Variants in GLB1 observed in about 807,000 individuals in gnomAD.
The protein encoded by GLB1 is galactosidase beta 1, also known as beta-galactosidase.
A neutral mutation model predicts 74.0 loss-of-function variants in GLB1; 56 were observed. The ratio of observed to expected loss-of-function variants is 0.76; its 90% confidence interval spans 0.61 to 0.94. The LOEUF is 0.94. GLB1 is among the 40% of genes least tolerant of loss of function. The probability of loss-of-function intolerance (pLI) is 0.00; values close to 1 mark genes in which losing one functional copy is unlikely to be tolerated. For synonymous variants in GLB1, 323 were observed against 323.6 expected (o/e 1.00, Z 0.02); for missense variants, 787 against 845.5 (o/e 0.93, Z 0.86).
chr3:33,055,731 T>G (rs995731597), intron 6 of GLB1, among the ~76,000 whole-genome samples: 11 of 150,992 alleles, frequency 7.3e-5, no homozygotes, highest in African/African-American at 2.7e-4. Context: ...CCTCCCAAAC[T>G]GCTGGGATTA....
the GLB1 span, among the ~76,000 whole-genome samples, chr3:32,963,708 A>AT: frequency 6.6e-6 from 1 of 152,248 alleles, no homozygotes; most frequent in Non-Finnish European, 1.5e-5. Context: ...ACAAATGTCC[A>AT]TAATATCTTA....
chr3:32,962,682 T>C, the GLB1 span, among the ~76,000 whole-genome samples: 1 of 151,852 alleles, frequency 6.6e-6, no homozygotes, highest in Non-Finnish European at 1.5e-5. Flanking sequence ...TCAGGAGATG[T>C]GGGATAACAG....
At position 33,089,567 on chromosome 3, in the gene GLB1, C is replaced by A. The variant is rs1299627707; in HGVS notation, c.75+7444G>T. ...GTGGCATGAAAATACAAGAGTATTACTGTAGTCCAGCCTTAAAAAGGACAG... is the reference window on the plus strand; with the variant it reads ...GTGGCATGAAAATACAAGAGTATTAATGTAGTCCAGCCTTAAAAAGGACAG... On this transcript the variant is annotated intron_variant, in intron 1 of 15. Transcript: ENST00000307363. Among the ~76,000 whole-genome samples the A allele has an allele frequency of 2.0e-5, 3 of 152,132 alleles. No individual in the cohort carries two copies. In the South Asian group the frequency reaches 6.2e-4, roughly 31 times the overall value.
At chr3:33,077,058 T>C in intron 1 of GLB1, 3 of 1,313,702 alleles carry the variant, frequency 2.3e-6, no homozygotes, top group Non-Finnish European at 3.0e-6. Context: ...ACCCTGTCTC[T>C]ATAAAAAAAA....
chr3:33,016,886 G>T (rs1697257218), intron 13 of GLB1, 46 bp from the exon 14 acceptor site: 16 of 1,608,598 alleles, frequency 9.9e-6, no homozygotes, highest in Non-Finnish European at 1.4e-5. Flanking sequence ...GGGTAAGAAG[G>T]TCAGCAAGGA....
intron 9 of GLB1, among the ~76,000 whole-genome samples, chr3:33,049,239 G>A (rs1157300815): frequency 1.3e-5 from 2 of 152,098 alleles, no homozygotes; most frequent in African/African-American, 4.8e-5. Context: ...TTTCTCATAA[G>A]ATGAACACAG....
chr3:33,088,392 C>CAA, intron 1 of GLB1, among the ~76,000 whole-genome samples: 1 of 151,740 alleles, frequency 6.6e-6, no homozygotes, highest in South Asian at 2.1e-4. Flanking sequence ...CACACACACA[C>CAA]ACACACACAC....
At chr3:32,976,368 C>G in the GLB1 span, among the ~76,000 whole-genome samples, 1 of 152,222 alleles carries the variant, frequency 6.6e-6, no homozygotes, top group Non-Finnish European at 1.5e-5. Context: ...TCTTTCCCCT[C>G]CATGGCTGGT....
rs930897628 is a variant in GLB1 at position 32,996,687 on chromosome 3, C to T, written c.*358G>A. The T allele has an allele frequency of 2.2e-5, 7 of 325,016 alleles. No homozygotes were observed. The highest frequency in any genetic ancestry group is 4.2e-5 in the Non-Finnish European group (7 of 168,570). The allele number at this position is 325,016 out of a possible 1,614,324, so 20.1% of individuals were successfully genotyped here. A position where few individuals can be genotyped will look rare whatever the true frequency, so the allele number is the denominator to read the frequency against. ...AAGTCTAGTTATGATTTAAGTCAGA[C>T]CATATAATTCAATACCTGCACATTA... is the stretch of plus-strand genomic sequence containing the variant. On this transcript the variant is annotated 3_prime_UTR_variant, in exon 16 of 16. Coordinates refer to ENST00000307363, the MANE Select transcript of GLB1 (RefSeq NM_000404.4).
chr3:33,090,105 G>T (rs149607769), intron 1 of GLB1, among the ~76,000 whole-genome samples: 1 of 152,288 alleles, frequency 6.6e-6, no homozygotes, highest in East Asian at 1.9e-4. Context: ...CTGGCTACTA[G>T]CCCCAAATCT....
intron 10 of GLB1, 104 bp downstream of exon 10, chr3:33,046,016 T>G (rs1698725095): frequency 2.1e-6 from 3 of 1,421,856 alleles, no homozygotes; most frequent in Non-Finnish European, 2.9e-6. Context: ...ATCCATCCTT[T>G]TAAACAGGAG....
chr3:33,037,105 G>T (rs554926607), intron 10 of GLB1, among the ~76,000 whole-genome samples: 3 of 151,006 alleles, frequency 2.0e-5, no homozygotes, highest in Non-Finnish European at 4.4e-5. Context: ...GAGTGCAGTG[G>T]TGTGATCTCA....
intron 15 of GLB1, among the ~76,000 whole-genome samples, chr3:33,004,122 T>C (rs1257990564): frequency 6.6e-6 from 1 of 152,182 alleles, no homozygotes; most frequent in Non-Finnish European, 1.5e-5. Flanking sequence ...AGAAGTGACA[T>C]GTGAATCCTG....
At chr3:33,030,890 C>T (rs1032079175) in intron 10 of GLB1, 69 of 896,414 alleles carry the variant, frequency 7.7e-5, no homozygotes, top group Non-Finnish European at 8.9e-5. Context: ...TCACCACTGC[C>T]CCTCTCAGGA....
intron 5 of GLB1, among the ~76,000 whole-genome samples, chr3:33,063,538 A>C (rs1045833209): frequency 1.3e-5 from 2 of 152,178 alleles, no homozygotes; most frequent in African/African-American, 4.8e-5. Flanking sequence ...CCACACAGTC[A>C]ACTTCATTCT....
intron 1 of GLB1, chr3:33,092,047 C>T: frequency 1.0e-6 from 1 of 985,250 alleles, no homozygotes; most frequent in Non-Finnish European, 1.2e-6. Context: ...GCAGCCTGTC[C>T]CCAGTGAGCT....
At chr3:33,053,433 A>G in intron 7 of GLB1, 58 bp downstream of exon 7, 1 of 1,613,504 alleles carries the variant, frequency 6.2e-7, no homozygotes, top group East Asian at 2.2e-5. Context: ...CAGTTTCAGC[A>G]GCATGTAACT....
chr3:33,069,533 G>A (rs1240291328), intron 2 of GLB1, among the ~76,000 whole-genome samples: 2 of 152,134 alleles, frequency 1.3e-5, no homozygotes, highest in African/African-American at 4.8e-5. Context: ...TATTTTGTTT[G>A]ACTTACTATT....
rs1163347307 is a variant in GLB1, at chr3:33,065,645, A to G, written c.458-88T>C. On this transcript the variant is annotated intron_variant, in intron 4 of 15. Coordinates refer to ENST00000307363, the MANE Select transcript of GLB1 (RefSeq NM_000404.4). ...CCAGGATGGCTTTGAATGTGGCCCA[A>G]CACAAATTCGTAAACTTTTTAAAAA... 3.4e-6 allele frequency: 5 copies of G among 1,456,432 alleles called. No homozygotes were observed. In the Admixed American group the frequency reaches 1.0e-4, roughly 29 times the overall value. 90.2% of individuals were successfully genotyped at this position (1,456,432 alleles called of 1,614,324 possible). A position where few individuals can be genotyped will look rare whatever the true frequency, so the allele number is the denominator to read the frequency against.
Sources: gnomAD v4.1 joint callset for allele counts (sites outside exome capture counted in the v4.1 genomes callset) on GRCh38, gnomAD v4.1.1 for gene constraint, MANE v1.5 for transcripts, NCBI Gene and HGNC (gene_info 2026-07-23, HGNC 2026-07-21) for gene names.